The following PRKG1 variants were observed in gnomAD, a reference collection of about 807,000 sequenced individuals.
The protein encoded by PRKG1 is protein kinase cGMP-dependent 1.
Under a neutral mutation model 88.1 loss-of-function variants are expected in PRKG1, and 35 were observed. The ratio of observed to expected loss-of-function variants is 0.40; its 90% CI spans 0.30 to 0.53. The LOEUF is 0.53. Ranked by LOEUF, PRKG1 falls within the 20% of genes least tolerant of loss-of-function variation. The pLI is 0.59. For synonymous variants in PRKG1, 303 were observed against 292.5 expected, an observed-to-expected ratio of 1.04 and a Z score of -0.37; for missense variants, 540 against 839.8, an observed-to-expected ratio of 0.64 and a Z score of 4.41.
At chr10:51,817,401 A>G (rs1488495582) in intron 4 of PRKG1, among the ~76,000 whole-genome samples, 1 of 124,486 alleles carries the variant, frequency 8.0e-6, no homozygotes, top group Non-Finnish European at 1.6e-5. Flanking sequence ...CCCTGTGTCC[A>G]TGTGTTCTCA....
At chr10:51,601,307 A>G (rs1057344598) in intron 3 of PRKG1, among the ~76,000 whole-genome samples, 2 of 152,200 alleles carry the variant, frequency 1.3e-5, no homozygotes, top group Non-Finnish European at 2.9e-5. Context: ...ATTATTGTCA[A>G]GGAATAGTTT....
intron 3 of PRKG1, among the ~76,000 whole-genome samples, chr10:51,674,709 A>G (rs1221793069): frequency 2.0e-5 from 3 of 152,166 alleles, no homozygotes; most frequent in African/African-American, 7.2e-5. Flanking sequence ...ACTGCTACCA[A>G]TGGAGGGAAT....
chr10:52,192,572 A>G lies in PRKG1; in HGVS notation c.1076+30609A>G, dbSNP rs551632932. On this transcript the variant is annotated intron_variant, in intron 9 of 17. Transcript: ENST00000373980. ...CAAGCGTTTTAGATTGATATTCTCA[A>G]TTTCCACCTATGTTCATAAAGTCAA... is the stretch of plus-strand genomic sequence containing the variant. 4.2e-4 allele frequency among the ~76,000 whole-genome samples: 64 copies of G among 152,208 alleles called. 1 individual carries two copies. The highest frequency in any genetic ancestry group is 1.4e-3 in the African/African-American group (60 of 41,568).
At chr10:51,099,246 G>A (rs1564599557) in intron 1 of PRKG1, among the ~76,000 whole-genome samples, 1 of 152,120 alleles carries the variant, frequency 6.6e-6, no homozygotes, top group Non-Finnish European at 1.5e-5. Context: ...ACACCCTGGA[G>A]TGAGGGGCAG....
chr10:52,266,123 T>C (rs187225942), intron 10 of PRKG1, among the ~76,000 whole-genome samples: 1 of 152,004 alleles, frequency 6.6e-6, no homozygotes, highest in African/African-American at 2.4e-5. Flanking sequence ...TGAACCCAAT[T>C]ACCCCTATTA....
chr10:51,901,663 T>C (rs1008059206), intron 4 of PRKG1, among the ~76,000 whole-genome samples: 1 of 152,200 alleles, frequency 6.6e-6, no homozygotes, highest in African/African-American at 2.4e-5. Flanking sequence ...ATGCATCATG[T>C]CTACATTTTA....
At chr10:51,322,148 G>A (rs1400252295) in intron 2 of PRKG1, among the ~76,000 whole-genome samples, 1 of 152,088 alleles carries the variant, frequency 6.6e-6, no homozygotes, top group Non-Finnish European at 1.5e-5. Context: ...TTCTTATCTG[G>A]AGATGATCTC....
chr10:51,518,185 A>G (rs752026841), intron 3 of PRKG1, among the ~76,000 whole-genome samples: 2 of 152,068 alleles, frequency 1.3e-5, no homozygotes, highest in African/African-American at 4.8e-5. Flanking sequence ...TTTTGTAGAG[A>G]TGGGGTTTCA....
At chr10:51,102,986 T>C (rs1285737425) in intron 1 of PRKG1, among the ~76,000 whole-genome samples, 1 of 151,972 alleles carries the variant, frequency 6.6e-6, no homozygotes, top group African/African-American at 2.4e-5. Context: ...AAGAGGATAC[T>C]GGTAAGAGAG....
intron 7 of PRKG1, among the ~76,000 whole-genome samples, chr10:52,130,104 A>G (rs1564481764): frequency 6.6e-6 from 1 of 152,226 alleles, no homozygotes; most frequent in Non-Finnish European, 1.5e-5. Context: ...CCCGACATGT[A>G]CTATATGCTC....
At chr10:52,037,069 C>CAGAG (rs1410805999) in intron 5 of PRKG1, among the ~76,000 whole-genome samples, 26 of 152,140 alleles carry the variant, frequency 1.7e-4, no homozygotes, top group African/African-American at 4.3e-4. Context: ...AGGAGTCAGT[C>CAGAG]AGCCTTGGGC....
At chr10:51,599,391 T>C (rs1043847858) in intron 3 of PRKG1, among the ~76,000 whole-genome samples, 1 of 152,196 alleles carries the variant, frequency 6.6e-6, no homozygotes, top group South Asian at 2.1e-4. Context: ...AGAAACACTG[T>C]TCTAGACCTA....
intron 3 of PRKG1, among the ~76,000 whole-genome samples, chr10:51,798,780 G>C (rs1374532289): frequency 1.3e-5 from 2 of 152,004 alleles, no homozygotes; most frequent in Non-Finnish European, 2.9e-5. Context: ...AGCTAATTTT[G>C]CTCATTGCAA....
At chr10:52,193,745 C>G (rs1839435027) in intron 9 of PRKG1, among the ~76,000 whole-genome samples, 1 of 152,020 alleles carries the variant, frequency 6.6e-6, no homozygotes, top group African/African-American at 2.4e-5. Context: ...GCAAATCTTC[C>G]TTTTTAGAAG....
At chr10:51,414,951 G>T (rs1471428527) in intron 2 of PRKG1, among the ~76,000 whole-genome samples, 1 of 152,136 alleles carries the variant, frequency 6.6e-6, no homozygotes, top group African/African-American at 2.4e-5. Context: ...GATGAATAAT[G>T]GCTAATATTC....
chr10:51,512,592 C>T (rs1301252187), intron 3 of PRKG1, among the ~76,000 whole-genome samples: 3 of 81,866 alleles, frequency 3.7e-5, no homozygotes, highest in African/African-American at 9.6e-5. Context: ...TCCAGTCTAT[C>T]ATTGTTGGAC....
chr10:51,868,740 G>A (rs1841081978), intron 4 of PRKG1, among the ~76,000 whole-genome samples: 1 of 152,066 alleles, frequency 6.6e-6, no homozygotes, highest in African/African-American at 2.4e-5. Context: ...CTAGCTACCT[G>A]CATAAATAAT....
intron 2 of PRKG1, among the ~76,000 whole-genome samples, chr10:51,170,124 T>C (rs1319964788): frequency 6.6e-6 from 1 of 152,100 alleles, no homozygotes; most frequent in Non-Finnish European, 1.5e-5. Flanking sequence ...ATAAGCACAC[T>C]GGTCAGATTG....
chr10:51,315,293 T>C (rs923914492), intron 2 of PRKG1, among the ~76,000 whole-genome samples: 1 of 152,220 alleles, frequency 6.6e-6, no homozygotes, highest in Non-Finnish European at 1.5e-5. Context: ...AGAAGTGTAA[T>C]GAGTTTTGTA....
Sources: allele counts gnomAD v4.1 joint callset (sites outside exome capture counted in the v4.1 genomes callset), GRCh38; gene constraint gnomAD v4.1.1; transcripts MANE v1.5; gene names NCBI Gene and HGNC (gene_info 2026-07-23, HGNC 2026-07-21).